Variants in CNIH3 observed in about 807,000 individuals in gnomAD.
The protein encoded by CNIH3 is cornichon family AMPA receptor auxiliary protein 3, also known as protein cornichon homolog 3.
CNIH3 carries 14 observed loss-of-function variants against 24.1 expected under a neutral mutation model. The observed-to-expected ratio is 0.58, with a 90% CI of 0.38 to 0.91. The LOEUF (loss-of-function observed/expected upper bound fraction) is 0.91, where lower values mean the gene tolerates loss of function less well. Among genes scored for constraint, CNIH3 ranks in the 40% least tolerant of loss-of-function variants. The pLI is 0.00. For missense variants in CNIH3, 178 were observed against 196.8 expected, an observed-to-expected ratio of 0.90 and a Z score of 0.57; for synonymous variants, 68 against 73.8, an observed-to-expected ratio of 0.92 and a Z score of 0.40.
chr1:224,693,476 G>A (rs1187107394), intron 3 of CNIH3, among the ~76,000 whole-genome samples: 3 of 152,188 alleles, frequency 2.0e-5, no homozygotes, highest in Non-Finnish European at 4.4e-5. Flanking sequence ...CGCTTGGGCA[G>A]GGGGGATGTT....
Position 224,574,424 on chromosome 1 carries a change from T to A in CNIH3, n.516+8160T>A, listed in dbSNP as rs186029043. On this transcript the variant is annotated intron_variant and non_coding_transcript_variant, in intron 4 of 5. Coordinates refer to the CNIH3 transcript ENST00000471578. ...TGGTTCTGGGTGGGGGTCTGGAGAG[T>A]GCAGCAGCCATGGCCAGCCACATTG... The A allele has an allele frequency of 6.4e-4, 382 of 598,306 alleles. 3 individuals are homozygous for A. In the East Asian group the frequency reaches 7.9e-3, roughly 12 times the overall value. 37.1% of individuals were successfully genotyped at this position (598,306 alleles called of 1,614,324 possible).
At chr1:224,627,372 C>T (rs944429756) in intron 1 of CNIH3, among the ~76,000 whole-genome samples, 4 of 151,998 alleles carry the variant, frequency 2.6e-5, no homozygotes, top group African/African-American at 4.8e-5. Context: ...ATTACAGGCA[C>T]GTGCCACCAC....
intron 4 of CNIH3, chr1:224,575,094 C>G: frequency 1.1e-6 from 1 of 879,060 alleles, no homozygotes; most frequent in Non-Finnish European, 2.0e-6. Context: ...CCCCGACAGG[C>G]CCTGGGCCAA....
intron 4 of CNIH3, among the ~76,000 whole-genome samples, chr1:224,581,514 C>G (rs768406336): frequency 1.6e-4 from 24 of 152,140 alleles, no homozygotes; most frequent in Admixed American, 2.6e-4. Context: ...AAATAATAAT[C>G]AGACACATGA....
rs367991023 is a variant in CNIH3 at position 224,631,675 on chromosome 1, G to A, written c.81+14420G>A. On this transcript the variant is annotated intron_variant, in intron 1 of 5. Coordinates refer to ENST00000272133, the MANE Select transcript of CNIH3 (RefSeq NM_152495.2). ...TGACACCACCTCCCACCTCCACAGC[G>A]TCTCAAACCGTGGGCTGACATTTCC... Among the ~76,000 whole-genome samples, 268 of 152,238 alleles carry A rather than the reference G, an allele frequency of 1.8e-3. 9 individuals carry two copies. In the South Asian group the frequency reaches 0.047, roughly 27 times the overall value.
chr1:224,616,864 TGG>T lies in CNIH3; in HGVS notation c.-310_-309del. On this transcript the variant is annotated 5_prime_UTR_variant, in exon 1 of 6. It introduces an in-frame stop codon into an upstream open reading frame of the 5' UTR. Transcript: ENST00000272133. ...TGTTGGTCTCGAGGGGCTCACAGCT[TGG>T]CACTAATTTGCAGGTGTTCGCTGCT... The T allele has an allele frequency of 8.3e-7, 1 of 1,204,218 alleles. No homozygotes were observed. The allele number at this position is 1,204,218 out of a possible 1,614,324, so 74.6% of individuals were successfully genotyped here. A position where few individuals can be genotyped will look rare whatever the true frequency, so the allele number is the denominator to read the frequency against.
intron 4 of CNIH3, among the ~76,000 whole-genome samples, chr1:224,569,468 C>T (rs1680723950): frequency 6.6e-6 from 1 of 152,178 alleles, no homozygotes; most frequent in Admixed American, 6.5e-5. Flanking sequence ...AAAACACGAT[C>T]TAGACAAGAC....
chr1:224,534,831 C>A (rs931685702), intron 2 of CNIH3, among the ~76,000 whole-genome samples: 1 of 152,170 alleles, frequency 6.6e-6, no homozygotes, highest in Non-Finnish European at 1.5e-5. Flanking sequence ...AGGGGCTGAT[C>A]CACAATGAAC....
intron 1 of CNIH3, among the ~76,000 whole-genome samples, chr1:224,659,664 A>G (rs893431807): frequency 6.6e-6 from 1 of 152,236 alleles, no homozygotes; most frequent in African/African-American, 2.4e-5. Context: ...GTTACATGGA[A>G]CAATTTAGAC....
chr1:224,647,124 A>G (rs1240343515), intron 1 of CNIH3, among the ~76,000 whole-genome samples: 1 of 152,084 alleles, frequency 6.6e-6, no homozygotes, highest in Non-Finnish European at 1.5e-5. Flanking sequence ...GTGGGGTTAC[A>G]GGCACCCGCC....
rs990129528 is a variant in CNIH3 at position 224,665,628 on chromosome 1, A to G, written c.82-15330A>G. 3.3e-5 allele frequency among the ~76,000 whole-genome samples: 5 copies of G among 152,222 alleles called. No homozygotes were observed. The South Asian group carries it at 1.0e-3, about 32-fold the overall frequency. On this transcript the variant is annotated intron_variant, in intron 1 of 5. Transcript: ENST00000272133. Reference sequence around the variant, plus strand: ...CTTGTAACCTAGTGGGATTCTTTGTATGTGTTCTTTGCATTCTTTGCATCT... The same window carrying G: ...CTTGTAACCTAGTGGGATTCTTTGTGTGTGTTCTTTGCATTCTTTGCATCT...
intron 4 of CNIH3, among the ~76,000 whole-genome samples, chr1:224,577,590 A>T (rs1312299220): frequency 6.6e-6 from 1 of 152,160 alleles, no homozygotes; most frequent in Non-Finnish European, 1.5e-5. Flanking sequence ...TGGTGAAAGG[A>T]GAACACTTTT....
At chr1:224,614,390 G>C (rs149688944), upstream of CNIH3, among the ~76,000 whole-genome samples, 2 of 152,210 alleles carry the variant, frequency 1.3e-5, no homozygotes, top group African/African-American at 4.8e-5. Flanking sequence ...AGGGAGATAT[G>C]AGGCCAGGCA....
At chr1:224,687,644 A>G (rs1056229259) in intron 3 of CNIH3, among the ~76,000 whole-genome samples, 8 of 152,086 alleles carry the variant, frequency 5.3e-5, no homozygotes, top group Non-Finnish European at 1.2e-4. Context: ...TGGATACCTG[A>G]GATTGTTTTC....
intron 3 of CNIH3, among the ~76,000 whole-genome samples, chr1:224,705,002 C>T (rs1490636792): frequency 1.3e-5 from 2 of 152,030 alleles, no homozygotes; most frequent in East Asian, 1.9e-4. Flanking sequence ...GCTGTAGTCC[C>T]AGCTACTCAG....
intron 1 of CNIH3, among the ~76,000 whole-genome samples, chr1:224,637,108 C>T (rs1260644170): frequency 2.6e-5 from 4 of 152,050 alleles, no homozygotes; most frequent in Non-Finnish European, 5.9e-5. Context: ...TGTGCTACCA[C>T]GCCTGGCTAA....
At chr1:224,635,376 G>A (rs193295981) in intron 1 of CNIH3, among the ~76,000 whole-genome samples, 1 of 152,300 alleles carries the variant, frequency 6.6e-6, no homozygotes, top group Admixed American at 6.5e-5. Context: ...GTGATATTAT[G>A]GCTCAAAGCT....
chr1:224,616,894 T>G lies in CNIH3; in HGVS notation c.-281T>G. Reference sequence around the variant, plus strand: ...CTAATTTGCAGGTGTTCGCTGCTGATTTGGTTTCTTCTTCGATTTGCGGAC... The same window carrying G: ...CTAATTTGCAGGTGTTCGCTGCTGAGTTGGTTTCTTCTTCGATTTGCGGAC... On this transcript the variant is annotated 5_prime_UTR_variant, in exon 1 of 6. Coordinates refer to ENST00000272133, the MANE Select transcript of CNIH3 (RefSeq NM_152495.2). 6.1e-5 allele frequency: 76 copies of G among 1,251,176 alleles called. No individual in the cohort carries two copies. Among genetic ancestry groups the G allele is most frequent in the Middle Eastern group, 3.2e-4 (1 of 3,110 alleles). 77.5% of individuals were successfully genotyped at this position (1,251,176 alleles called of 1,614,324 possible). A position where few individuals can be genotyped will look rare whatever the true frequency, so the allele number is the denominator to read the frequency against.
At chr1:224,732,723 T>C (rs1191213322) in intron 4 of CNIH3, among the ~76,000 whole-genome samples, 2 of 152,154 alleles carry the variant, frequency 1.3e-5, no homozygotes, top group Non-Finnish European at 2.9e-5. Flanking sequence ...ATGTGATTAA[T>C]GGACAAAACA....
Sources: allele counts gnomAD v4.1 joint callset (sites outside exome capture counted in the v4.1 genomes callset), GRCh38; gene constraint gnomAD v4.1.1; transcripts MANE v1.5; gene names NCBI Gene and HGNC (gene_info 2026-07-23, HGNC 2026-07-21).